PANX1: variants seen among roughly 807,000 people sequenced by gnomAD.
PANX1 encodes the protein pannexin 1.
A neutral mutation model predicts 38.7 loss-of-function variants in PANX1; 30 were observed. The observed-to-expected ratio is 0.78, with a 90% CI of 0.58 to 1.05. PANX1 has a LOEUF of 1.05. Among genes scored for constraint, PANX1 ranks in the 50% least tolerant of loss-of-function variants. The pLI, the probability that PANX1 is intolerant of heterozygous loss-of-function variation, is 0.00. For synonymous variants in PANX1, 230 were observed against 212.2 expected (o/e 1.08, Z -0.73); for missense variants, 551 against 517.2 (o/e 1.07, Z -0.63).
intron 1 of PANX1, among the ~76,000 whole-genome samples, chr11:94,146,462 A>G (rs1016594967): frequency 6.6e-6 from 1 of 152,182 alleles, no homozygotes; most frequent in Non-Finnish European, 1.5e-5. Context: ...ACCACTTATC[A>G]TTGCACAGGG....
chr11:94,167,638 T>C (rs1337745562), intron 2 of PANX1, among the ~76,000 whole-genome samples: 1 of 152,242 alleles, frequency 6.6e-6, no homozygotes, highest in Non-Finnish European at 1.5e-5. Context: ...TTCAAAGAAT[T>C]ATGATTATAT....
chr11:94,181,047 G>T lies in PANX1; in HGVS notation c.*178G>T. ...GATCAACAAAAGGTTATGGAAGAATGGTTTATGAACTTCCCATAGGAAGCA... is the reference window on the plus strand; with the variant it reads ...GATCAACAAAAGGTTATGGAAGAATTGTTTATGAACTTCCCATAGGAAGCA... On this transcript the variant is annotated 3_prime_UTR_variant, in exon 5 of 5. Coordinates refer to ENST00000227638, the MANE Select transcript of PANX1 (RefSeq NM_015368.4). The T allele has an allele frequency of 1.7e-6, 1 of 583,306 alleles. No homozygotes were observed. The highest frequency in any genetic ancestry group is 3.1e-6 in the Non-Finnish European group (1 of 325,002). 36.1% of individuals were successfully genotyped at this position (583,306 alleles called of 1,614,324 possible). A position where few individuals can be genotyped will look rare whatever the true frequency, so the allele number is the denominator to read the frequency against.
rs906603718 is a variant in PANX1 at position 94,143,739 on chromosome 11, C to A, written c.182-9752C>A. Among the ~76,000 whole-genome samples the A allele has an allele frequency of 1.3e-5, 2 of 151,664 alleles. 1 individual carries two copies. The highest frequency in any genetic ancestry group is 4.2e-4 in the South Asian group (2 of 4,812). Reference sequence around the variant, plus strand: ...TTCCCCTTTAAGCTAAAAGTCCCTCCTCCATATCTTTTTTTTTTTTTCTTT... The same window carrying A: ...TTCCCCTTTAAGCTAAAAGTCCCTCATCCATATCTTTTTTTTTTTTTCTTT... On this transcript the variant is annotated intron_variant, in intron 1 of 4. Transcript: ENST00000227638.
chr11:94,156,184 G>T (rs1465827577), intron 2 of PANX1, among the ~76,000 whole-genome samples: 2 of 152,166 alleles, frequency 1.3e-5, no homozygotes, highest in East Asian at 3.9e-4. Flanking sequence ...TAGCCTAAAG[G>T]TTATAGGACC....
At chr11:94,150,513 C>G (rs577764763) in intron 1 of PANX1, among the ~76,000 whole-genome samples, 1 of 152,090 alleles carries the variant, frequency 6.6e-6, no homozygotes, top group African/African-American at 2.4e-5. Context: ...AAAATGAATC[C>G]GGATGGTCCC....
intron 2 of PANX1, among the ~76,000 whole-genome samples, chr11:94,177,135 T>C (rs191592589): frequency 2.0e-5 from 3 of 151,612 alleles, no homozygotes; most frequent in Admixed American, 6.6e-5. Flanking sequence ...ATGGATGGGC[T>C]AAATGCTGGG....
rs78299653 is a variant in PANX1 at position 94,155,757 on chromosome 11, C to T, written c.321+2127C>T. On this transcript the variant is annotated intron_variant, in intron 2 of 4. Transcript: ENST00000227638. ...GTAGTTCAAATTCATGTTGTTCAAG[C>T]GTCAACTGTACTGCTTGCCATTTTG... Among the ~76,000 whole-genome samples the T allele has an allele frequency of 0.014, 2,085 of 152,188 alleles. 86 individuals are homozygous for T. In the East Asian group the frequency reaches 0.14, roughly 10 times the overall value.
chr11:94,138,900 G>C (rs183042057), intron 1 of PANX1, among the ~76,000 whole-genome samples: 44 of 152,224 alleles, frequency 2.9e-4, no homozygotes, highest in Admixed American at 8.5e-4. Context: ...TGATTAGACT[G>C]TCATAGCCCA....
chr11:94,135,752 A>G (rs1245706541), intron 1 of PANX1, among the ~76,000 whole-genome samples: 3 of 152,250 alleles, frequency 2.0e-5, no homozygotes, highest in Non-Finnish European at 4.4e-5. Context: ...AATCTCTTTC[A>G]CTATGTGCTG....
At chr11:94,134,601 A>T (rs1045342956) in intron 1 of PANX1, among the ~76,000 whole-genome samples, 1 of 151,734 alleles carries the variant, frequency 6.6e-6, no homozygotes, top group African/African-American at 2.4e-5. Context: ...TCATGATGGG[A>T]TGCCCTTAGA....
intron 2 of PANX1, among the ~76,000 whole-genome samples, chr11:94,169,187 T>C (rs1591522904): frequency 6.6e-6 from 1 of 150,540 alleles, no homozygotes; most frequent in Admixed American, 6.6e-5. Flanking sequence ...TCTTAGGGGG[T>C]GATTATATGT....
At chr11:94,147,260 A>G (rs144646779) in intron 1 of PANX1, among the ~76,000 whole-genome samples, 14 of 152,308 alleles carry the variant, frequency 9.2e-5, no homozygotes, top group Non-Finnish European at 1.6e-4. Flanking sequence ...GAAAATCTGT[A>G]TTTATCATCT....
chr11:94,144,417 C>T (rs12272162), intron 1 of PANX1, among the ~76,000 whole-genome samples: 4,605 of 151,550 alleles, frequency 0.03, 151 homozygotes, highest in African/African-American at 0.083. Flanking sequence ...TTCCATGGGT[C>T]CAGCTTCTGT....
intron 2 of PANX1, among the ~76,000 whole-genome samples, chr11:94,166,513 A>G (rs1947102569): frequency 6.6e-6 from 1 of 152,184 alleles, no homozygotes; most frequent in South Asian, 2.1e-4. Context: ...TTCCACTGAA[A>G]AGTCTGCTGC....
chr11:94,131,477 A>G (rs1946628916), intron 1 of PANX1, among the ~76,000 whole-genome samples: 1 of 152,206 alleles, frequency 6.6e-6, no homozygotes, highest in Admixed American at 6.5e-5. Context: ...GCAGTTTACT[A>G]TGCAGTTGGG....
At position 94,178,355 on chromosome 11, in the gene PANX1, C is replaced by G; in HGVS notation, c.322-14C>G. 6.2e-7 allele frequency: 1 copy of G among 1,603,174 alleles called. No individual in the cohort carries two copies. The highest frequency in any genetic ancestry group is 8.5e-7 in the Non-Finnish European group (1 of 1,170,222). Reference sequence around the variant, plus strand: ...GGGTTTGTTAAGCCCATGATTTGTTCTCTTGTTTTTCAGTTTTTCCCCTAC... The same window carrying G: ...GGGTTTGTTAAGCCCATGATTTGTTGTCTTGTTTTTCAGTTTTTCCCCTAC... On this transcript the variant is annotated splice_polypyrimidine_tract_variant and intron_variant, in intron 2 of 4. Coordinates refer to ENST00000227638, the MANE Select transcript of PANX1 (RefSeq NM_015368.4).
chr11:94,178,425 C>G lies in PANX1; in HGVS notation c.378C>G (p.Phe126Leu), dbSNP rs763925874. Residue 126 changes from phenylalanine to leucine, a missense_variant, in exon 3 of 5, where the codon TTC becomes TTG. Physicochemically the swap from Phe to Leu is conservative, Grantham distance 22. Transcript: ENST00000227638. The part of the protein sequence containing the change: ...FAILLYLPPL[F>L]WRFAAAPHIC... ...TCCTCCTGTACCTGCCCCCGCTGTT[C>G]TGGCGTTTCGCAGCTGCTCCTCATA... 9.3e-6 allele frequency: 15 copies of G among 1,614,118 alleles called. No individual in the cohort carries two copies. The highest frequency in any genetic ancestry group is 1.3e-5 in the Non-Finnish European group (15 of 1,179,996).
intron 2 of PANX1, among the ~76,000 whole-genome samples, chr11:94,159,892 G>T (rs1947001875): frequency 6.6e-6 from 1 of 151,390 alleles, no homozygotes; most frequent in African/African-American, 2.4e-5. Context: ...TCTATACACT[G>T]CTTTGAATGT....
Position 94,172,923 on chromosome 11 carries a change from C to G in PANX1, c.322-5446C>G, listed in dbSNP as rs1452915060. 2.6e-5 allele frequency among the ~76,000 whole-genome samples: 4 copies of G among 151,748 alleles called. 1 individual carries two copies. The highest frequency in any genetic ancestry group is 9.8e-5 in the African/African-American group (4 of 41,024). ...GGGCTCTCCCCATGATGGGTTCCCT[C>G]CAGCTGCACTCCAGAATGTCACCCA... On this transcript the variant is annotated intron_variant, in intron 2 of 4. Coordinates refer to ENST00000227638, the MANE Select transcript of PANX1 (RefSeq NM_015368.4).
Sources: gnomAD v4.1 joint callset for allele counts (sites outside exome capture counted in the v4.1 genomes callset) on GRCh38, gnomAD v4.1.1 for gene constraint, MANE v1.5 for transcripts, NCBI Gene and HGNC (gene_info 2026-07-23, HGNC 2026-07-21) for gene names.